Variants in TCF12 observed in about 807,000 individuals in gnomAD.
TCF12 encodes transcription factor 12, also known as DNA-binding protein HTF4.
A neutral mutation model predicts 86.0 loss-of-function variants in TCF12; 45 were observed. That is an observed-to-expected ratio of 0.52 (90% CI 0.41 to 0.67). The LOEUF is 0.67. Ranked by LOEUF, TCF12 falls within the 30% of genes least tolerant of loss-of-function variation. The pLI is 0.00. For synonymous variants in TCF12, 330 were observed against 299.6 expected (o/e 1.10, Z -1.05); for missense variants, 881 against 859.9 (o/e 1.02, Z -0.31).
chr15:56,971,493 T>C (rs1261378892), intron 3 of TCF12, among the ~76,000 whole-genome samples: 1 of 152,046 alleles, frequency 6.6e-6, no homozygotes, highest in African/African-American at 2.4e-5. Flanking sequence ...AGGTCAAAGT[T>C]ATGGACAGTT....
intron 6 of TCF12, among the ~76,000 whole-genome samples, chr15:57,170,675 A>AT (rs1486411354): frequency 7.4e-4 from 7 of 9,450 alleles, no homozygotes; most frequent in South Asian, 1.8e-3. Context: ...ATATATATAT[A>AT]ATATATTATA....
intron 8 of TCF12, among the ~76,000 whole-genome samples, chr15:57,207,458 G>C (rs773222898): frequency 6.6e-6 from 1 of 152,136 alleles, no homozygotes; most frequent in East Asian, 1.9e-4. Flanking sequence ...ATCACTTAAG[G>C]TCAGGAGTTT....
chr15:57,225,736 C>G (rs115221190), intron 8 of TCF12, among the ~76,000 whole-genome samples: 1,761 of 152,192 alleles, frequency 0.012, 33 homozygotes, highest in African/African-American at 0.04. Flanking sequence ...ATTTTATTTA[C>G]TCTTCTTAAA....
At position 56,918,652 on chromosome 15, in the gene TCF12, C is replaced by A. The variant is rs544026092; in HGVS notation, c.-277C>A. On this transcript the variant is annotated 5_prime_UTR_variant, in exon 1 of 21. Coordinates refer to ENST00000333725, the MANE Select transcript of TCF12 (RefSeq NM_207037.2). ...CGGAGGGATCCGGAGGCGAGCCGAG[C>A]GCGGTGGTGAGGCCGCCTCAGCGAA... The A allele has an allele frequency of 7.3e-3, 1,381 of 189,816 alleles. 11 individuals are homozygous for A. Among genetic ancestry groups the A allele is most frequent in the Middle Eastern group, 0.012 (5 of 426 alleles). 11.8% of individuals were successfully genotyped at this position (189,816 alleles called of 1,614,324 possible). A position where few individuals can be genotyped will look rare whatever the true frequency, so the allele number is the denominator to read the frequency against.
Position 57,073,775 on chromosome 15 carries a change from G to A in TCF12, c.222+9952G>A, listed in dbSNP as rs1019732110. Among the ~76,000 whole-genome samples the A allele has an allele frequency of 1.3e-4, 20 of 152,290 alleles. No homozygotes were observed. In the East Asian group the frequency reaches 3.3e-3, roughly 25 times the overall value. ...TTGTTTGTTTGTTTTTTGAGACGGA[G>A]TCTCGCTGTGTCGCCCAGGCTGGAG... On this transcript the variant is annotated intron_variant, in intron 4 of 20. Coordinates refer to ENST00000333725, the MANE Select transcript of TCF12 (RefSeq NM_207037.2).
intron 3 of TCF12, among the ~76,000 whole-genome samples, chr15:57,041,011 T>G (rs1820996): frequency 0.18 from 27,653 of 152,190 alleles, 3,013 homozygotes; most frequent in Non-Finnish European, 0.24. Context: ...TTAACTTATG[T>G]GAATCTATGA....
chr15:57,053,875 A>C (rs2067806096), intron 3 of TCF12, among the ~76,000 whole-genome samples: 1 of 152,168 alleles, frequency 6.6e-6, no homozygotes, highest in African/African-American at 2.4e-5. Context: ...ATGACCTGAA[A>C]GAGTTTAGTT....
At chr15:57,077,203 G>C (rs1284552836) in intron 4 of TCF12, among the ~76,000 whole-genome samples, 2 of 151,992 alleles carry the variant, frequency 1.3e-5, no homozygotes, top group African/African-American at 4.8e-5. Flanking sequence ...GTAGGATTTT[G>C]ATTAGGATTG....
At chr15:57,046,779 C>T (rs2067259417) in intron 3 of TCF12, among the ~76,000 whole-genome samples, 1 of 152,174 alleles carries the variant, frequency 6.6e-6, no homozygotes, top group African/African-American at 2.4e-5. Flanking sequence ...TATTGGAATA[C>T]ATATATTAAA....
At chr15:57,101,483 T>G (rs1287057610) in intron 5 of TCF12, among the ~76,000 whole-genome samples, 5 of 152,224 alleles carry the variant, frequency 3.3e-5, no homozygotes, top group African/African-American at 1.2e-4. Context: ...GTGCTACGAT[T>G]ACAAGCGTGA....
At position 57,232,533 on chromosome 15, in the gene TCF12, T is replaced by C. The variant is rs1334176073; in HGVS notation, c.825+103T>C. 7 of 1,493,900 alleles carry C rather than the reference T, an allele frequency of 4.7e-6. No individual in the cohort carries two copies. The African/African-American group carries it at 7.1e-5, about 15-fold the overall frequency. 92.5% of individuals were successfully genotyped at this position (1,493,900 alleles called of 1,614,324 possible). On this transcript the variant is annotated intron_variant, in intron 10 of 20. Transcript: ENST00000333725. ...TCTAAGTCTGCCAAAACTTCTGAAG[T>C]TTGAAGTACTTCAAGGCTTACCGCG...
At chr15:57,150,319 C>A (rs1472790417) in intron 5 of TCF12, among the ~76,000 whole-genome samples, 2 of 152,078 alleles carry the variant, frequency 1.3e-5, no homozygotes, top group Non-Finnish European at 2.9e-5. Flanking sequence ...AAAGCTCACA[C>A]AAAGCTGGGA....
chr15:57,004,879 T>C (rs2064256298), intron 3 of TCF12, among the ~76,000 whole-genome samples: 1 of 152,230 alleles, frequency 6.6e-6, no homozygotes, highest in Non-Finnish European at 1.5e-5. Flanking sequence ...ATTGTGAGTT[T>C]ACATTCAGTT....
intron 7 of TCF12, 130 bp downstream of exon 7, chr15:57,192,423 C>G (rs1409677135): frequency 2.0e-5 from 26 of 1,269,544 alleles, no homozygotes; most frequent in Non-Finnish European, 2.5e-5. Context: ...GCGTCTCACT[C>G]TGTTACCCAT....
chr15:57,216,418 G>T (rs1410444379), intron 8 of TCF12, among the ~76,000 whole-genome samples: 1 of 151,938 alleles, frequency 6.6e-6, no homozygotes, highest in Non-Finnish European at 1.5e-5. Context: ...GTTGTGGGTG[G>T]AAACAATTCT....
intron 19 of TCF12, 150 bp downstream of exon 19, chr15:57,273,412 T>A: frequency 2.7e-6 from 2 of 733,224 alleles, no homozygotes; most frequent in Non-Finnish European, 4.5e-6. Flanking sequence ...CCTGTAATTC[T>A]CACTTCTGTC....
intron 4 of TCF12, among the ~76,000 whole-genome samples, chr15:57,088,218 C>T (rs1489810453): frequency 6.6e-6 from 1 of 152,162 alleles, no homozygotes; most frequent in Non-Finnish European, 1.5e-5. Flanking sequence ...CTATGTTCTC[C>T]AGCCTGTTGG....
chr15:56,984,153 CT>C (rs1192834709), intron 3 of TCF12, among the ~76,000 whole-genome samples: 1 of 151,546 alleles, frequency 6.6e-6, no homozygotes, highest in East Asian at 1.9e-4. Flanking sequence ...ATATATGTTT[CT>C]GGTTGAAATT....
chr15:56,951,684 C>T (rs1482439641), intron 3 of TCF12, among the ~76,000 whole-genome samples: 2 of 152,124 alleles, frequency 1.3e-5, no homozygotes, highest in Admixed American at 1.3e-4. Flanking sequence ...AGGTTTTGCT[C>T]TGTTGCTCAG....
Sources: allele counts gnomAD v4.1 joint callset (sites outside exome capture counted in the v4.1 genomes callset), GRCh38; gene constraint gnomAD v4.1.1; transcripts MANE v1.5; gene names NCBI Gene and HGNC (gene_info 2026-07-23, HGNC 2026-07-21).